The following GPD1L variants were observed in gnomAD, a reference collection of about 807,000 sequenced individuals.
The protein encoded by GPD1L is glycerol-3-phosphate dehydrogenase 1-like protein.
A neutral mutation model predicts 32.9 loss-of-function variants in GPD1L; 17 were observed. The observed-to-expected ratio is 0.52, with a 90% CI of 0.35 to 0.78. GPD1L has a LOEUF of 0.78. Ranked by LOEUF, GPD1L falls within the 30% of genes least tolerant of loss-of-function variation. The pLI is 0.01. For missense variants in GPD1L, 361 were observed against 447.8 expected (o/e 0.81, Z 1.75); for synonymous variants, 187 against 165.9 (o/e 1.13, Z -0.98).
intron 1 of GPD1L, among the ~76,000 whole-genome samples, chr3:32,118,017 A>G (rs1700356369): frequency 6.6e-6 from 1 of 152,310 alleles, no homozygotes; most frequent in South Asian, 2.1e-4. Context: ...AACTGCTCCT[A>G]CTTGGCTGCT....
intron 1 of GPD1L, among the ~76,000 whole-genome samples, chr3:32,122,015 C>T (rs931208750): frequency 7.2e-5 from 11 of 151,956 alleles, no homozygotes; most frequent in East Asian, 1.9e-4. Context: ...GTGATCTGCC[C>T]GCCTTGGCCT....
At chr3:32,123,610 G>T (rs1700456464) in intron 1 of GPD1L, among the ~76,000 whole-genome samples, 1 of 152,130 alleles carries the variant, frequency 6.6e-6, no homozygotes, top group Admixed American at 6.5e-5. Flanking sequence ...TGGATGAGCT[G>T]AGCCTGATGT....
intron 1 of GPD1L, among the ~76,000 whole-genome samples, chr3:32,109,250 A>G (rs1700213518): frequency 6.6e-6 from 1 of 152,202 alleles, no homozygotes; most frequent in Non-Finnish European, 1.5e-5. Context: ...TTTTTTTAAC[A>G]TTAGTTTTTT....
At position 32,164,407 on chromosome 3, in the gene GPD1L, G is replaced by A. The variant is rs534809318; in HGVS notation, c.960-1407G>A. ...TGCCAGGCACTGAGGATACAGTAGTGAAAAAAACAGACTTGGTCCCAGTCC... is the reference window on the plus strand; with the variant it reads ...TGCCAGGCACTGAGGATACAGTAGTAAAAAAAACAGACTTGGTCCCAGTCC... On this transcript the variant is annotated intron_variant, in intron 7 of 7. Transcript: ENST00000282541. Among the ~76,000 whole-genome samples the A allele has an allele frequency of 1.3e-4, 20 of 152,306 alleles. No individual in the cohort carries two copies. The South Asian group carries it at 4.1e-3, about 32-fold the overall frequency.
intron 3 of GPD1L, among the ~76,000 whole-genome samples, chr3:32,139,065 A>G (rs1219800348): frequency 1.3e-5 from 2 of 152,102 alleles, no homozygotes; most frequent in Non-Finnish European, 2.9e-5. Context: ...ATTCTTGGAT[A>G]TATACCCTAA....
chr3:32,115,318 T>G (rs1250041191), intron 1 of GPD1L, among the ~76,000 whole-genome samples: 1 of 152,114 alleles, frequency 6.6e-6, no homozygotes, highest in Non-Finnish European at 1.5e-5. Flanking sequence ...GCATTTATAA[T>G]CCTTTAGCTA....
At chr3:32,129,554 A>C (rs1700557963) in intron 2 of GPD1L, among the ~76,000 whole-genome samples, 1 of 152,190 alleles carries the variant, frequency 6.6e-6, no homozygotes, top group Non-Finnish European at 1.5e-5. Flanking sequence ...AGGCTAATGA[A>C]CTTGTCCAGG....
intron 1 of GPD1L, among the ~76,000 whole-genome samples, chr3:32,125,799 G>A (rs1016335828): frequency 2.0e-5 from 3 of 150,734 alleles, no homozygotes; most frequent in Admixed American, 6.6e-5. Flanking sequence ...AATGCATTAC[G>A]CATAGTAGGT....
intron 1 of GPD1L, among the ~76,000 whole-genome samples, chr3:32,116,966 T>C (rs1700341019): frequency 6.6e-6 from 1 of 152,222 alleles, no homozygotes; most frequent in Non-Finnish European, 1.5e-5. Flanking sequence ...AGTAGAGTGG[T>C]TGAAGTTCTC....
intron 5 of GPD1L, among the ~76,000 whole-genome samples, chr3:32,150,288 A>C (rs995094017): frequency 1.3e-5 from 2 of 152,192 alleles, no homozygotes; most frequent in Non-Finnish European, 2.9e-5. Context: ...GGTACTTCAT[A>C]TAGAAAAGTA....
chr3:32,133,883 G>C (rs1559574971), intron 2 of GPD1L, among the ~76,000 whole-genome samples: 1 of 152,210 alleles, frequency 6.6e-6, no homozygotes, highest in East Asian at 1.9e-4. Flanking sequence ...GACTTCACCA[G>C]CTTTGTTTCC....
chr3:32,142,597 A>G (rs1316674911), intron 4 of GPD1L, among the ~76,000 whole-genome samples: 1 of 152,164 alleles, frequency 6.6e-6, no homozygotes, highest in East Asian at 1.9e-4. Context: ...GTAATTACTT[A>G]TATTTTCCCA....
At chr3:32,121,908 T>C (rs1289247120) in intron 1 of GPD1L, among the ~76,000 whole-genome samples, 1 of 151,412 alleles carries the variant, frequency 6.6e-6, no homozygotes, top group Admixed American at 6.6e-5. Context: ...GGAGCTGGGA[T>C]TACAGGCACG....
chr3:32,107,381 C>T (rs897208891), intron 1 of GPD1L, among the ~76,000 whole-genome samples: 43 of 152,214 alleles, frequency 2.8e-4, no homozygotes. Context: ...CGAAGCTTTG[C>T]GTCTCTTTGG....
chr3:32,115,166 T>G (rs1436285194), intron 1 of GPD1L, among the ~76,000 whole-genome samples: 1 of 152,200 alleles, frequency 6.6e-6, no homozygotes, highest in Non-Finnish European at 1.5e-5. Flanking sequence ...TTTTACAGAG[T>G]GCTGATTGAT....
At chr3:32,148,954 T>G (rs977972014) in intron 5 of GPD1L, among the ~76,000 whole-genome samples, 2 of 152,254 alleles carry the variant, frequency 1.3e-5, no homozygotes, top group Non-Finnish European at 2.9e-5. Context: ...CCTCAGTTAA[T>G]GTTTGTTGTA....
At chr3:32,109,384 C>G (rs1700215255) in intron 1 of GPD1L, among the ~76,000 whole-genome samples, 4 of 152,208 alleles carry the variant, frequency 2.6e-5, no homozygotes, top group South Asian at 4.1e-4. Context: ...CCTCCTGCCC[C>G]CTCTGCTGGG....
At chr3:32,143,503 A>G (rs1033927177) in intron 4 of GPD1L, among the ~76,000 whole-genome samples, 2 of 151,194 alleles carry the variant, frequency 1.3e-5, no homozygotes, top group African/African-American at 4.9e-5. Context: ...AGTGTCATGA[A>G]AGACAATGAA....
intron 5 of GPD1L, among the ~76,000 whole-genome samples, chr3:32,153,344 A>T (rs1396051599): frequency 2.6e-5 from 4 of 152,242 alleles, no homozygotes; most frequent in Non-Finnish European, 1.5e-5. Context: ...AATTCTTAAA[A>T]ACTAAAAATT....
Sources: allele counts gnomAD v4.1 joint callset (sites outside exome capture counted in the v4.1 genomes callset), GRCh38; gene constraint gnomAD v4.1.1; transcripts MANE v1.5; gene names NCBI Gene and HGNC (gene_info 2026-07-23, HGNC 2026-07-21).